Variants in PATJ observed in about 807,000 individuals in gnomAD.
PATJ encodes inaD-like protein.
PATJ carries 190 observed loss-of-function variants against 224.9 expected under a neutral mutation model. The ratio of observed to expected loss-of-function variants is 0.84; its 90% CI spans 0.75 to 0.95. The LOEUF is 0.95. Ranked by LOEUF, PATJ falls within the 40% of genes least tolerant of loss-of-function variation. The pLI, the probability that PATJ is intolerant of heterozygous loss-of-function variation, is 0.00. For synonymous variants in PATJ, 769 were observed against 820.3 expected (o/e 0.94, Z 1.07); for missense variants, 2,121 against 2,270.3 (o/e 0.93, Z 1.34).
intron 27 of PATJ, among the ~76,000 whole-genome samples, chr1:61,956,981 T>C (rs1353270189): frequency 2.0e-5 from 3 of 152,214 alleles, no homozygotes; most frequent in Non-Finnish European, 4.4e-5. Context: ...ATCATAGGCC[T>C]GTGCTCCTGT....
At chr1:61,760,735 G>A (rs1026918500) in intron 1 of PATJ, among the ~76,000 whole-genome samples, 5 of 150,614 alleles carry the variant, frequency 3.3e-5, no homozygotes, top group Admixed American at 6.6e-5. Context: ...TCCTGCCTCA[G>A]CCTCCCGAGT....
chr1:62,141,234 T>C (rs1196473429), intron 41 of PATJ, among the ~76,000 whole-genome samples: 1 of 151,990 alleles, frequency 6.6e-6, no homozygotes, highest in Non-Finnish European at 1.5e-5. Flanking sequence ...GATTCTAGAT[T>C]TGGATTTAAA....
chr1:62,131,486 TAAG>T (rs958322767), intron 41 of PATJ, among the ~76,000 whole-genome samples: 9 of 152,038 alleles, frequency 5.9e-5, no homozygotes, highest in Non-Finnish European at 1.2e-4. Context: ...CACAAATAAA[TAAG>T]AAGACACAAT....
intron 39 of PATJ, among the ~76,000 whole-genome samples, chr1:62,125,853 T>A (rs1352627483): frequency 6.6e-6 from 1 of 152,084 alleles, no homozygotes; most frequent in Admixed American, 6.5e-5. Context: ...CACTGAAACC[T>A]CCACCTCCCA....
chr1:62,140,561 T>G (rs141479296), intron 41 of PATJ, among the ~76,000 whole-genome samples: 5,117 of 151,796 alleles, frequency 0.034, 150 homozygotes, highest in South Asian at 0.13. Context: ...GCTGAGGCAC[T>G]AGAATCACTT....
intron 27 of PATJ, among the ~76,000 whole-genome samples, chr1:61,947,119 T>C (rs1678854350): frequency 6.6e-6 from 1 of 152,206 alleles, no homozygotes; most frequent in African/African-American, 2.4e-5. Context: ...TCGTACTGAA[T>C]GGGCAAAAAC....
chr1:61,778,054 A>G (rs143819957), intron 7 of PATJ, among the ~76,000 whole-genome samples: 11 of 151,726 alleles, frequency 7.2e-5, no homozygotes, highest in African/African-American at 2.4e-4. Context: ...TAGTTTTTCT[A>G]TTTTTTGTAG....
intron 29 of PATJ, among the ~76,000 whole-genome samples, chr1:62,020,032 G>A (rs6681664): frequency 0.17 from 26,390 of 151,944 alleles, 2,902 homozygotes; most frequent in Non-Finnish European, 0.25. Flanking sequence ...AGCCAGGCGT[G>A]GTGGCATGTG....
intron 22 of PATJ, among the ~76,000 whole-genome samples, chr1:61,895,073 A>G (rs956931980): frequency 1.8e-4 from 28 of 152,330 alleles, no homozygotes; most frequent in African/African-American, 6.3e-4. Flanking sequence ...GATTTAGGGT[A>G]TCTGGCAGAA....
chr1:61,814,686 A>G (rs1570669540), intron 14 of PATJ, among the ~76,000 whole-genome samples: 1 of 152,298 alleles, frequency 6.6e-6, no homozygotes, highest in South Asian at 2.1e-4. Flanking sequence ...TTGATCAGCT[A>G]TGATTTTTAA....
At chr1:62,157,621 A>AT (rs1420410220) in intron 43 of PATJ, among the ~76,000 whole-genome samples, 3 of 148,652 alleles carry the variant, frequency 2.0e-5, no homozygotes, top group African/African-American at 7.3e-5. Context: ...ACCTGAGGTC[A>AT]GGAGTTAAAG....
chr1:62,090,516 A>T (rs1660600803), intron 33 of PATJ, among the ~76,000 whole-genome samples: 1 of 152,190 alleles, frequency 6.6e-6, no homozygotes, highest in Admixed American at 6.5e-5. Context: ...GCCAGAAAAG[A>T]GTAGAGCCAT....
intron 31 of PATJ, among the ~76,000 whole-genome samples, chr1:62,069,681 A>G (rs2148678734): frequency 6.6e-6 from 1 of 152,200 alleles, no homozygotes. Flanking sequence ...TACCCACCAC[A>G]CACCTTCACG....
chr1:61,902,645 A>G (rs1296521239), intron 24 of PATJ, among the ~76,000 whole-genome samples: 2 of 152,204 alleles, frequency 1.3e-5, no homozygotes, highest in Non-Finnish European at 2.9e-5. Flanking sequence ...CAATTTTCAA[A>G]TATACTACTT....
At chr1:61,989,760 C>G (rs995071938) in intron 27 of PATJ, among the ~76,000 whole-genome samples, 1 of 152,126 alleles carries the variant, frequency 6.6e-6, no homozygotes, top group African/African-American at 2.4e-5. Context: ...CAGTGTGAAC[C>G]TGAACAATCA....
intron 14 of PATJ, among the ~76,000 whole-genome samples, chr1:61,812,433 A>AGAGTGTGTGTGTGTGTGTGT (rs1397549346): frequency 5.6e-4 from 48 of 85,204 alleles, no homozygotes; most frequent in African/African-American, 1.9e-3. Context: ...AGAGAGAGAG[A>AGAGTGTGTGTGTGTGTGTGT]GTGTGTGTGT....
intron 1 of PATJ, among the ~76,000 whole-genome samples, chr1:61,749,632 G>C (rs928456749): frequency 6.6e-6 from 1 of 151,906 alleles, no homozygotes; most frequent in Non-Finnish European, 1.5e-5. Context: ...CAGTGGCTGA[G>C]CAGGAACTGC....
intron 22 of PATJ, among the ~76,000 whole-genome samples, chr1:61,894,377 T>C (rs935444485): frequency 1.3e-5 from 2 of 152,242 alleles, no homozygotes; most frequent in African/African-American, 4.8e-5. Flanking sequence ...GGGTTGGCTC[T>C]GTGTCTCTAC....
chr1:61,879,437 T>C (rs1370939202), intron 21 of PATJ, among the ~76,000 whole-genome samples: 2 of 152,032 alleles, frequency 1.3e-5, no homozygotes, highest in Admixed American at 1.3e-4. Context: ...TAAGATAAAA[T>C]ATTTAAAAAG....
Sources: allele counts gnomAD v4.1 joint callset (sites outside exome capture counted in the v4.1 genomes callset), GRCh38; gene constraint gnomAD v4.1.1; transcripts MANE v1.5; gene names NCBI Gene and HGNC (gene_info 2026-07-23, HGNC 2026-07-21).